PRKCI: variants seen among roughly 807,000 people sequenced by gnomAD.
PRKCI encodes the protein protein kinase C iota type.
PRKCI carries 43 observed loss-of-function variants against 84.0 expected under a neutral mutation model. The ratio of observed to expected loss-of-function variants is 0.51; its 90% CI spans 0.40 to 0.66. PRKCI has a LOEUF of 0.66. Ranked by LOEUF, PRKCI falls within the 30% of genes least tolerant of loss-of-function variation. The probability of loss-of-function intolerance (pLI) is 0.00; values close to 1 mark genes in which losing one functional copy is unlikely to be tolerated. For missense variants in PRKCI, 459 were observed against 745.6 expected (o/e 0.62, Z 4.48); for synonymous variants, 216 against 234.4 (o/e 0.92, Z 0.72).
Position 170,235,134 on chromosome 3 carries a change from A to T in PRKCI, c.102-96A>T, listed in dbSNP as rs527299746. The T allele has an allele frequency of 5.4e-6, 7 of 1,299,198 alleles. No homozygotes were observed. The South Asian group carries it at 9.2e-5, about 17-fold the overall frequency. The allele number at this position is 1,299,198 out of a possible 1,614,324, so 80.5% of individuals were successfully genotyped here. On this transcript the variant is annotated intron_variant, in intron 1 of 17. Transcript: ENST00000295797. ...CAATACATGTTGATGCACACACAAA[A>T]TTACTGAAGTTCATCAAATTGTCAA... is the stretch of plus-strand genomic sequence containing the variant.
In PRKCI at chr3:170,263,529, C is replaced by T. The variant is rs376776346; in HGVS notation, c.364+100C>T. On this transcript the variant is annotated intron_variant, in intron 4 of 17. Coordinates refer to ENST00000295797, the MANE Select transcript of PRKCI (RefSeq NM_002740.6). ...AGAATTTTTAGCTAGGTGCAGTGGA[C>T]AGTGGCTAATGCCTGTAATCCCAGC... The T allele has an allele frequency of 5.7e-4, 583 of 1,019,306 alleles. 3 individuals carry two copies. Among genetic ancestry groups the T allele is most frequent in the African/African-American group, 5.1e-3 (318 of 62,320 alleles). The allele number at this position is 1,019,306 out of a possible 1,614,324, so 63.1% of individuals were successfully genotyped here.
chr3:170,245,949 G>GTTTTTTTTTTTTTTTTTTTTT (rs112482352), intron 2 of PRKCI, among the ~76,000 whole-genome samples: 12 of 82,454 alleles, frequency 1.5e-4, no homozygotes, highest in African/African-American at 4.9e-4. Context: ...TTATGTCTTT[G>GTTTTTTTTTTTTTTTTTTTTT]TTTTTTTTTT....
At chr3:170,239,746 T>C (rs1472356478) in intron 2 of PRKCI, among the ~76,000 whole-genome samples, 2 of 151,940 alleles carry the variant, frequency 1.3e-5, no homozygotes, top group African/African-American at 4.8e-5. Context: ...AGAGTGTTTT[T>C]TTTTTTTTGT....
At chr3:170,225,837 G>A (rs1732615300) in intron 1 of PRKCI, among the ~76,000 whole-genome samples, 1 of 151,802 alleles carries the variant, frequency 6.6e-6, no homozygotes, top group East Asian at 1.9e-4. Flanking sequence ...TGTTAAGCTT[G>A]ATCTCAGTGA....
At chr3:170,249,813 AT>A (rs1427826486) in intron 2 of PRKCI, among the ~76,000 whole-genome samples, 53 of 151,920 alleles carry the variant, frequency 3.5e-4, no homozygotes, top group African/African-American at 1.2e-3. Flanking sequence ...AAAAAAAAAA[AT>A]GATACCAACT....
chr3:170,255,481 A>G (rs1171595714), intron 2 of PRKCI, among the ~76,000 whole-genome samples: 5 of 152,154 alleles, frequency 3.3e-5, no homozygotes, highest in Non-Finnish European at 7.3e-5. Context: ...TAGAAATGCT[A>G]CTGATTTTTG....
chr3:170,275,647 C>T (rs926972101), intron 8 of PRKCI, among the ~76,000 whole-genome samples: 16 of 152,126 alleles, frequency 1.1e-4, no homozygotes, highest in African/African-American at 3.4e-4. Flanking sequence ...AACATATTAA[C>T]TGTCATTGTT....
intron 14 of PRKCI, among the ~76,000 whole-genome samples, chr3:170,295,333 A>T (rs981630979): frequency 6.6e-5 from 10 of 151,904 alleles, no homozygotes; most frequent in African/African-American, 2.4e-4. Context: ...GACCAGCTTG[A>T]GCAATATGGT....
chr3:170,268,871 C>T (rs191537513), intron 5 of PRKCI, among the ~76,000 whole-genome samples: 263 of 152,240 alleles, frequency 1.7e-3, no homozygotes, highest in African/African-American at 6.0e-3. Flanking sequence ...AGTTTGAAAG[C>T]AGCAGTCTGT....
At chr3:170,261,872 T>G (rs1245492947) in intron 3 of PRKCI, among the ~76,000 whole-genome samples, 2 of 152,126 alleles carry the variant, frequency 1.3e-5, no homozygotes, top group Non-Finnish European at 2.9e-5. Context: ...GCTTTAAGAG[T>G]CTATTTTTTT....
At chr3:170,297,647 G>A (rs974514476) in intron 16 of PRKCI, among the ~76,000 whole-genome samples, 6 of 150,636 alleles carry the variant, frequency 4.0e-5, no homozygotes, top group Non-Finnish European at 5.9e-5. Flanking sequence ...AGATGGGGGG[G>A]GTTTCACAAT....
intron 12 of PRKCI, among the ~76,000 whole-genome samples, chr3:170,288,570 GA>G (rs532056445): frequency 6.6e-6 from 1 of 152,144 alleles, no homozygotes; most frequent in South Asian, 2.1e-4. Context: ...CCAACATGGT[GA>G]AAACCCATCT....
At chr3:170,282,484 G>A (rs1163093947) in intron 11 of PRKCI, among the ~76,000 whole-genome samples, 2 of 151,070 alleles carry the variant, frequency 1.3e-5, no homozygotes, top group Non-Finnish European at 3.0e-5. Context: ...ATCACCTGAG[G>A]TCAGGAGTTT....
rs750524485 is a variant in PRKCI at position 170,270,502 on chromosome 3, G to A, written c.532G>A (p.Val178Ile). The change falls in exon 6 of 18, where the codon GTT becomes ATT. Residue 178 changes from valine (V) to isoleucine (I), a missense_variant. Val to Ile is a conservative substitution (Grantham distance 29). This residue lies in a region of PRKCI where 250 missense variants were observed against 319.7 expected (regional missense o/e 0.78). Coordinates refer to ENST00000295797, the MANE Select transcript of PRKCI (RefSeq NM_002740.6). Reference protein sequence around the residue: ...GYKCINCKLLVHKKCHKLVTI... With the variant: ...GYKCINCKLLIHKKCHKLVTI... ...TAAGTGCATCAACTGCAAACTCTTG[G>A]TTCATAAGAAGTGCCATAAACTCGT... is the stretch of plus-strand genomic sequence containing the variant. 1 of 1,613,096 alleles carries A rather than the reference G, an allele frequency of 6.2e-7. No individual in the cohort carries two copies. The highest frequency in any genetic ancestry group is 8.5e-7 in the Non-Finnish European group (1 of 1,179,778).
rs558708183 is a variant in PRKCI at position 170,252,213 on chromosome 3, C to CAA, written c.224-7743_224-7742dup. On this transcript the variant is annotated intron_variant, in intron 2 of 17. Transcript: ENST00000295797. ...TGGGTGACAGAGCGAGACTCCGTCT[C>CAA]AAAAAAAAAAAAAAGAAATTAGGAA... Among the ~76,000 whole-genome samples, 476 of 118,790 alleles carry CAA rather than the reference C, an allele frequency of 4.0e-3. 2 individuals carry two copies. The highest frequency in any genetic ancestry group is 0.012 in the African/African-American group (409 of 34,922). The allele number at this position is 118,790 out of a possible 152,430, so 77.9% of individuals were successfully genotyped here. A position where few individuals can be genotyped will look rare whatever the true frequency, so the allele number is the denominator to read the frequency against.
intron 2 of PRKCI, among the ~76,000 whole-genome samples, chr3:170,258,099 G>GA (rs893492868): frequency 6.6e-6 from 1 of 151,062 alleles, no homozygotes; most frequent in African/African-American, 2.4e-5. Context: ...TCAAGTGGGA[G>GA]AAAAAAAAGG....
intron 2 of PRKCI, among the ~76,000 whole-genome samples, chr3:170,243,457 A>G (rs1266773534): frequency 6.6e-6 from 1 of 152,212 alleles, no homozygotes. Context: ...TTTTAAATAA[A>G]GGTGCTATGA....
chr3:170,229,488 A>G (rs1732731138), intron 1 of PRKCI, among the ~76,000 whole-genome samples: 4 of 152,018 alleles, frequency 2.6e-5, no homozygotes, highest in Admixed American at 1.3e-4. Flanking sequence ...ATTTTTTTTA[A>G]TATGTTTTGT....
At chr3:170,245,531 A>G (rs1733253757) in intron 2 of PRKCI, among the ~76,000 whole-genome samples, 1 of 152,082 alleles carries the variant, frequency 6.6e-6, no homozygotes, top group Non-Finnish European at 1.5e-5. Context: ...AGATGCTATC[A>G]TCTGCTCCAG....
Sources: allele counts gnomAD v4.1 joint callset (sites outside exome capture counted in the v4.1 genomes callset), GRCh38; gene constraint gnomAD v4.1.1; regional missense constraint gnomAD v4.1.1; transcripts MANE v1.5; gene names NCBI Gene and HGNC (gene_info 2026-07-23, HGNC 2026-07-21).